Variants in TNRC6B observed in about 807,000 individuals in gnomAD.
The protein encoded by TNRC6B is trinucleotide repeat-containing gene 6B protein.
A neutral mutation model predicts 203.6 loss-of-function variants in TNRC6B; 52 were observed. The ratio of observed to expected loss-of-function variants is 0.26; its 90% CI spans 0.20 to 0.32. The LOEUF is 0.32. Among genes scored for constraint, TNRC6B ranks in the 10% least tolerant of loss-of-function variants. TNRC6B has a pLI of 1.00. For missense variants in TNRC6B, 1,923 were observed against 2,286.2 expected (o/e 0.84, Z 3.24); for synonymous variants, 838 against 845.7 (o/e 0.99, Z 0.16).
At chr22:40,193,965 GT>G (rs138457535) in intron 1 of TNRC6B, among the ~76,000 whole-genome samples, 2 of 152,088 alleles carry the variant, frequency 1.3e-5, no homozygotes, top group Non-Finnish European at 2.9e-5. Flanking sequence ...CTGTGCAGGG[GT>G]TTTTTTTCCC....
In TNRC6B at chr22:40,323,191, G is replaced by A. The variant is rs755940480; in HGVS notation, c.5452G>A (p.Ala1818Thr). The A allele has an allele frequency of 3.7e-6, 6 of 1,613,598 alleles. No individual in the cohort carries two copies. In the South Asian group the frequency reaches 5.5e-5, roughly 15 times the overall value. Residue 1818 changes from alanine to threonine, a missense_variant, in exon 23 of 23, where the codon GCT becomes ACT. By Grantham distance (58) the Ala-to-Thr change is moderately conservative (BLOSUM62 0). Coordinates refer to ENST00000454349, the MANE Select transcript of TNRC6B (RefSeq NM_001162501.2). ...AGATCCCCATAGGATGGGCAGCCCTGCTCCTTTACTACCTGGTGACCTTCT... is the reference window on the plus strand; with the variant it reads ...AGATCCCCATAGGATGGGCAGCCCTACTCCTTTACTACCTGGTGACCTTCT... The part of the protein sequence containing the change: ...VEDPHRMGSP[A>T]PLLPGDLLGG...
At chr22:40,098,384 CAAAAA>C (rs1056495905) in intron 1 of TNRC6B, among the ~76,000 whole-genome samples, 1 of 51,494 alleles carries the variant, frequency 1.9e-5, no homozygotes, top group African/African-American at 6.5e-5. Flanking sequence ...GACTCCGTCT[CAAAAA>C]AAAAAAAAAA....
chr22:40,188,200 C>G (rs1249839802), intron 1 of TNRC6B, among the ~76,000 whole-genome samples: 2 of 152,072 alleles, frequency 1.3e-5, no homozygotes, highest in African/African-American at 4.8e-5. Context: ...CAGAGCAACA[C>G]TGTGTCTCAA....
rs370435686 is a variant in TNRC6B, at chr22:40,265,286, T to C, written c.1056T>C (p.Asn352=). The change falls in exon 5 of 23, where the codon AAT becomes AAC. Residue 352 remains asparagine (N), a synonymous_variant. Coordinates refer to ENST00000454349, the MANE Select transcript of TNRC6B (RefSeq NM_001162501.2). ...GGGAACAGCAGTCAAAGATGGAAAA[T>C]GCGGGTGTTAATTTTGTTGTCTCTG... ...TSREQQSKME[N]AGVNFVVSGR... is the part of the protein sequence containing the mutation. 1.2e-6 allele frequency: 2 copies of C among 1,613,770 alleles called. No homozygotes were observed. Among genetic ancestry groups the C allele is most frequent in the African/African-American group, 2.7e-5 (2 of 74,878 alleles).
chr22:40,268,918 A>G (rs577338703), intron 5 of TNRC6B, among the ~76,000 whole-genome samples: 9 of 147,458 alleles, frequency 6.1e-5, no homozygotes, highest in Non-Finnish European at 1.1e-4. Flanking sequence ...GTCTCAAAAA[A>G]TAATAATAAT....
At chr22:40,072,112 C>G (rs1354003942) in intron 1 of TNRC6B, among the ~76,000 whole-genome samples, 1 of 152,164 alleles carries the variant, frequency 6.6e-6, no homozygotes, top group East Asian at 1.9e-4. Flanking sequence ...CAACCTCTGC[C>G]TCTCAAAGCA....
At chr22:40,199,738 T>C (rs2069385482) in intron 1 of TNRC6B, among the ~76,000 whole-genome samples, 1 of 151,288 alleles carries the variant, frequency 6.6e-6, no homozygotes, top group South Asian at 2.1e-4. Flanking sequence ...TCAGCGTTAA[T>C]GTTCTGATTT....
At chr22:40,203,784 A>G (rs767573108) in intron 1 of TNRC6B, among the ~76,000 whole-genome samples, 14 of 152,214 alleles carry the variant, frequency 9.2e-5, no homozygotes, top group Non-Finnish European at 1.8e-4. Flanking sequence ...TTCAGGAACC[A>G]CTGAATATTC....
At position 40,077,054 on chromosome 22, in the gene TNRC6B, A is replaced by C. The variant is rs186358229; in HGVS notation, c.-121+32056A>C. 2.5e-3 allele frequency among the ~76,000 whole-genome samples: 377 copies of C among 148,604 alleles called. 5 individuals carry two copies. The highest frequency in any genetic ancestry group is 9.1e-3 in the Admixed American group (136 of 14,984). Reference sequence around the variant, plus strand: ...AAAGAAAAAAGAAAAGGAAAGGAAAAGGAAAAGAAAAGAAAAGAGAGAAGA... The same window carrying C: ...AAAGAAAAAAGAAAAGGAAAGGAAACGGAAAAGAAAAGAAAAGAGAGAAGA... On this transcript the variant is annotated intron_variant, in intron 1 of 23. Transcript: ENST00000301923.
intron 15 of TNRC6B, among the ~76,000 whole-genome samples, chr22:40,303,046 C>CTTTTTTTT (rs756951957): frequency 1.1e-5 from 1 of 90,072 alleles, no homozygotes; most frequent in African/African-American, 5.1e-5. Context: ...TCTTCTTCTT[C>CTTTTTTTT]TTTTTTTTTT....
intron 1 of TNRC6B, chr22:40,107,175 T>G: frequency 1.9e-6 from 1 of 537,898 alleles, no homozygotes; most frequent in East Asian, 3.0e-5. Context: ...TGTATCCTAT[T>G]TAAGAAATCC....
chr22:40,270,317 T>C, intron 6 of TNRC6B, 37 bp downstream of exon 6: 1 of 1,270,918 alleles, frequency 7.9e-7, no homozygotes, highest in Non-Finnish European at 1.0e-6. Flanking sequence ...GGGATCCTTT[T>C]TTTTTTTTTT....
chr22:40,165,431 C>T (rs918149884), intron 4 of TNRC6B, among the ~76,000 whole-genome samples: 3 of 152,264 alleles, frequency 2.0e-5, no homozygotes, highest in East Asian at 1.9e-4. Flanking sequence ...CCACCTCAAC[C>T]GCCCAAAGTA....
intron 1 of TNRC6B, among the ~76,000 whole-genome samples, chr22:40,197,714 C>T (rs1048099996): frequency 6.6e-6 from 1 of 151,406 alleles, no homozygotes; most frequent in Non-Finnish European, 1.5e-5. Context: ...AGCTGAGATC[C>T]TCCTGTCTCA....
chr22:40,073,878 C>T (rs1451910861), intron 1 of TNRC6B, among the ~76,000 whole-genome samples: 3 of 151,940 alleles, frequency 2.0e-5, no homozygotes, highest in Non-Finnish European at 4.4e-5. Flanking sequence ...GCCAACATAG[C>T]GAAACCCCAG....
chr22:40,316,006 C>T lies in TNRC6B; in HGVS notation c.4968C>T (p.Thr1656=). ...PSYWLVLHNL[T]PQIDGSTLRT... Reference sequence around the variant, plus strand: ...ACTGGCTGGTTCTTCACAATCTCACCCCACAGGTAATTATGCTTTCTCGCA... The same window carrying T: ...ACTGGCTGGTTCTTCACAATCTCACTCCACAGGTAATTATGCTTTCTCGCA... Residue 1656 remains threonine (T), a synonymous_variant, in exon 21 of 23, where the codon ACC becomes ACT. Transcript: ENST00000454349. 6.2e-7 allele frequency: 1 copy of T among 1,613,458 alleles called. No individual in the cohort carries two copies. The highest frequency in any genetic ancestry group is 8.5e-7 in the Non-Finnish European group (1 of 1,179,566).
At chr22:40,285,884 G>A in intron 12 of TNRC6B, 114 bp downstream of exon 12, 2 of 1,346,828 alleles carry the variant, frequency 1.5e-6, no homozygotes, top group Non-Finnish European at 2.0e-6. Flanking sequence ...CATAAAATAT[G>A]AAAAAGCCAT....
intron 3 of TNRC6B, among the ~76,000 whole-genome samples, chr22:40,131,559 C>T (rs1023712848): frequency 2.0e-5 from 3 of 152,090 alleles, no homozygotes; most frequent in African/African-American, 7.2e-5. Flanking sequence ...ATTAATTCAG[C>T]ACATATTTAT....
chr22:40,305,067 G>A (rs2071072903), intron 15 of TNRC6B, among the ~76,000 whole-genome samples: 1 of 152,226 alleles, frequency 6.6e-6, no homozygotes, highest in African/African-American at 2.4e-5. Flanking sequence ...GTTAATTTAA[G>A]AGCATTTCCT....
Sources: gnomAD v4.1 joint callset for allele counts (sites outside exome capture counted in the v4.1 genomes callset) on GRCh38, gnomAD v4.1.1 for gene constraint, MANE v1.5 for transcripts, NCBI Gene and HGNC (gene_info 2026-07-23, HGNC 2026-07-21) for gene names.